SERGEF: variants seen among roughly 807,000 people sequenced by gnomAD.
SERGEF encodes secretion regulating guanine nucleotide exchange factor.
SERGEF carries 51 observed loss-of-function variants against 50.0 expected under a neutral mutation model. That is an observed-to-expected ratio of 1.02 (90% confidence interval 0.81 to 1.29). The LOEUF is 1.29. Ranked by LOEUF, SERGEF falls within the 50% of genes most tolerant of loss-of-function variation. The probability of loss-of-function intolerance (pLI) is 0.00; values close to 1 mark genes in which losing one functional copy is unlikely to be tolerated. For missense variants in SERGEF, 521 were observed against 557.0 expected, an observed-to-expected ratio of 0.94 and a Z score of 0.65; for synonymous variants, 205 against 212.4, an observed-to-expected ratio of 0.97 and a Z score of 0.30.
At chr11:17,834,985 AAAT>A (rs1350906348) in intron 10 of SERGEF, among the ~76,000 whole-genome samples, 1 of 152,182 alleles carries the variant, frequency 6.6e-6, no homozygotes, top group African/African-American at 2.4e-5. Flanking sequence ...ATCACTTAAC[AAAT>A]AATTGTTGGA....
At chr11:17,986,957 A>G (rs1853613231) in intron 8 of SERGEF, among the ~76,000 whole-genome samples, 1 of 152,248 alleles carries the variant, frequency 6.6e-6, no homozygotes, top group Non-Finnish European at 1.5e-5. Context: ...GGCATGGTAC[A>G]TAAAAAGACC....
At chr11:17,865,285 G>A (rs1400904964) in intron 10 of SERGEF, among the ~76,000 whole-genome samples, 2 of 152,140 alleles carry the variant, frequency 1.3e-5, no homozygotes, top group African/African-American at 4.8e-5. Context: ...ATACAATTAT[G>A]TACAGTATGT....
chr11:17,828,070 C>T (rs1850231889), intron 10 of SERGEF, among the ~76,000 whole-genome samples: 1 of 152,194 alleles, frequency 6.6e-6, no homozygotes, highest in Non-Finnish European at 1.5e-5. Context: ...GCTGCAAGTT[C>T]CACTAGGGAG....
rs565906769 is a variant in SERGEF, at chr11:17,878,558, A to T, written c.1012-314T>A. Among the ~76,000 whole-genome samples, 5 of 152,348 alleles carry T rather than the reference A, an allele frequency of 3.3e-5. No individual in the cohort carries two copies. The South Asian group carries it at 1.0e-3, about 32-fold the overall frequency. ...ATTTTTCAAACTTTCTAAAATGAGC[A>T]TATGTTACTGTAAAAATGGAAAGAT... On this transcript the variant is annotated intron_variant, in intron 9 of 10. Coordinates refer to ENST00000265965, the MANE Select transcript of SERGEF (RefSeq NM_012139.4).
intron 9 of SERGEF, among the ~76,000 whole-genome samples, chr11:17,933,163 T>C (rs986009750): frequency 2.2e-4 from 34 of 152,240 alleles, no homozygotes; most frequent in African/African-American, 7.5e-4. Context: ...CCTGTAGAGA[T>C]GATTTGAGGT....
At chr11:17,880,129 A>G (rs1315111870) in intron 9 of SERGEF, among the ~76,000 whole-genome samples, 1 of 152,220 alleles carries the variant, frequency 6.6e-6, no homozygotes, top group East Asian at 1.9e-4. Context: ...CAGCTTCCAC[A>G]GGGAAAAGGG....
intron 9 of SERGEF, among the ~76,000 whole-genome samples, chr11:17,914,440 T>C (rs1482915733): frequency 1.3e-5 from 2 of 152,098 alleles, no homozygotes; most frequent in Non-Finnish European, 2.9e-5. Flanking sequence ...TTTTTTAGAG[T>C]TGGGGTCTTG....
At chr11:17,840,201 A>G (rs996457797) in intron 10 of SERGEF, among the ~76,000 whole-genome samples, 1 of 152,174 alleles carries the variant, frequency 6.6e-6, no homozygotes, top group African/African-American at 2.4e-5. Context: ...ACTGGCATAA[A>G]TATTTCATCA....
intron 5 of SERGEF, among the ~76,000 whole-genome samples, chr11:17,997,671 C>T (rs1853866419): frequency 6.6e-6 from 1 of 151,846 alleles, no homozygotes; most frequent in Middle Eastern, 3.2e-3. Context: ...GTGATATATC[C>T]ATACAATGGA....
At position 17,951,127 on chromosome 11, in the gene SERGEF, G is replaced by T. The variant is rs139723579; in HGVS notation, c.1011+8343C>A. Among the ~76,000 whole-genome samples the T allele has an allele frequency of 6.8e-3, 1,028 of 152,266 alleles. 11 individuals carry two copies. The highest frequency in any genetic ancestry group is 0.023 in the African/African-American group (964 of 41,540). ...GTTTACAAGATCCATGGTGGTTCTA[G>T]GTAGCTCCTAAGATCTCAAGCGATT... On this transcript the variant is annotated intron_variant, in intron 9 of 10. Transcript: ENST00000265965.
At chr11:17,912,591 C>A (rs916888226) in intron 9 of SERGEF, among the ~76,000 whole-genome samples, 1 of 152,160 alleles carries the variant, frequency 6.6e-6, no homozygotes, top group African/African-American at 2.4e-5. Flanking sequence ...AGGCATTGTA[C>A]TAAACACTTT....
intron 10 of SERGEF, among the ~76,000 whole-genome samples, chr11:17,846,034 T>C (rs994234053): frequency 6.6e-6 from 1 of 152,148 alleles, no homozygotes; most frequent in Non-Finnish European, 1.5e-5. Context: ...TCCTTACTCC[T>C]TGCCTGGAGG....
At chr11:17,891,729 C>T (rs1851533948) in intron 9 of SERGEF, among the ~76,000 whole-genome samples, 1 of 152,118 alleles carries the variant, frequency 6.6e-6, no homozygotes, top group African/African-American at 2.4e-5. Flanking sequence ...GCAGAAGAAC[C>T]TTTTTAACAC....
At chr11:17,807,198 G>C (rs1011704565) in intron 10 of SERGEF, among the ~76,000 whole-genome samples, 3 of 152,236 alleles carry the variant, frequency 2.0e-5, no homozygotes, top group East Asian at 1.9e-4. Flanking sequence ...TGCCAGTAAG[G>C]GTTGCCTGGA....
chr11:17,967,159 G>A (rs575781501), intron 8 of SERGEF, among the ~76,000 whole-genome samples: 5 of 152,244 alleles, frequency 3.3e-5, no homozygotes, highest in South Asian at 2.1e-4. Flanking sequence ...AAATATTAAC[G>A]CATAGAGAGA....
At chr11:17,987,674 A>C (rs1460984186) in intron 8 of SERGEF, among the ~76,000 whole-genome samples, 3 of 152,352 alleles carry the variant, frequency 2.0e-5, no homozygotes, top group Non-Finnish European at 2.9e-5. Context: ...ATAAGTCTAC[A>C]TTTGTGTATA....
intron 10 of SERGEF, among the ~76,000 whole-genome samples, chr11:17,845,049 AC>A (rs1359904446): frequency 6.6e-6 from 1 of 152,178 alleles, no homozygotes; most frequent in African/African-American, 2.4e-5. Flanking sequence ...CTGCTCTAAG[AC>A]AATGAGTGTA....
intron 9 of SERGEF, among the ~76,000 whole-genome samples, chr11:17,910,629 A>G (rs1851934609): frequency 6.6e-6 from 1 of 152,186 alleles, no homozygotes; most frequent in Non-Finnish European, 1.5e-5. Context: ...TGCAAATCAT[A>G]CACCATTCAC....
At chr11:17,928,794 C>T (rs759160575) in intron 9 of SERGEF, among the ~76,000 whole-genome samples, 2 of 152,074 alleles carry the variant, frequency 1.3e-5, no homozygotes, top group East Asian at 1.9e-4. Context: ...AAAAAAGGGA[C>T]TCAAACTAGC....
Sources: gnomAD v4.1 joint callset for allele counts (sites outside exome capture counted in the v4.1 genomes callset) on GRCh38, gnomAD v4.1.1 for gene constraint, MANE v1.5 for transcripts, NCBI Gene and HGNC (gene_info 2026-07-23, HGNC 2026-07-21) for gene names.